Variants in LRRC18 observed in about 807,000 individuals in gnomAD.
The protein encoded by LRRC18 is leucine rich repeat containing 18, also known as leucine-rich repeat-containing protein 18.
In LRRC18, 12 loss-of-function variants were observed where a neutral mutation model predicts 11.2. The observed-to-expected ratio is 1.07, with a 90% CI of 0.69 to 1.74. The LOEUF (loss-of-function observed/expected upper bound fraction) is 1.74, where lower values mean the gene tolerates loss of function less well. Among genes scored for constraint, LRRC18 ranks in the 40% most tolerant of loss-of-function variants. LRRC18 has a pLI of 0.00. For missense variants in LRRC18, 374 were observed against 330.5 expected (o/e 1.13, Z -1.02); for synonymous variants, 155 against 130.6 (o/e 1.19, Z -1.27).
chr10:48,934,674 C>A, the LRRC18 span, among the ~76,000 whole-genome samples: 1 of 152,216 alleles, frequency 6.6e-6, no homozygotes, highest in Non-Finnish European at 1.5e-5. Context: ...CTCTCCCAAC[C>A]CCATTACAGT....
At chr10:48,913,830 G>A (rs1240991138) in exon 1 of LRRC18, 1 of 1,614,098 alleles carries the variant, frequency 6.2e-7, no homozygotes, top group Non-Finnish European at 8.5e-7. Flanking sequence ...CCCGTTGCTG[G>A]TCAGCCGGTT....
At chr10:48,917,519 C>T (rs1284711785), upstream of LRRC18, among the ~76,000 whole-genome samples, 1 of 152,172 alleles carries the variant, frequency 6.6e-6, no homozygotes, top group Admixed American at 6.5e-5. Context: ...GTATCACCCA[C>T]AGGGGAACAG....
exon 1 of LRRC18, chr10:48,913,442 G>T: frequency 6.2e-7 from 1 of 1,613,340 alleles, no homozygotes. Flanking sequence ...AGATCAGATT[G>T]GGAAAGATGG....
chr10:48,927,215 G>A, the LRRC18 span, among the ~76,000 whole-genome samples: 2 of 152,084 alleles, frequency 1.3e-5, no homozygotes, highest in Non-Finnish European at 2.9e-5. Context: ...GTCAAATGAT[G>A]CCTCCCCCGA....
At chr10:48,918,173 G>A (rs1011486430), upstream of LRRC18, among the ~76,000 whole-genome samples, 6 of 152,042 alleles carry the variant, frequency 3.9e-5, no homozygotes, top group African/African-American at 1.2e-4. Context: ...CAGGAAAAGG[G>A]AACAGAAGGA....
At chr10:48,932,421 C>T in the LRRC18 span, 26 of 152,286 alleles carry the variant, frequency 1.7e-4, no homozygotes, top group African/African-American at 6.3e-4. Flanking sequence ...ACTAACATTA[C>T]TAGTGATTGC....
At chr10:48,929,148 G>T in the LRRC18 span, among the ~76,000 whole-genome samples, 1 of 152,098 alleles carries the variant, frequency 6.6e-6, no homozygotes, top group Non-Finnish European at 1.5e-5. Flanking sequence ...AGGATTCAGG[G>T]AGAGAATTTC....
chr10:48,910,217 A>G (rs1200079700), exon 2 of LRRC18: 1 of 1,603,728 alleles, frequency 6.2e-7, no homozygotes, highest in Non-Finnish European at 8.5e-7. Context: ...AGTAGTCTTC[A>G]AGATTTTGCC....
chr10:48,923,247 G>A, the LRRC18 span, among the ~76,000 whole-genome samples: 1 of 152,066 alleles, frequency 6.6e-6, no homozygotes, highest in African/African-American at 2.4e-5. Flanking sequence ...TCTCCCTGGT[G>A]TATGCACTGG....
At chr10:48,925,819 C>G in the LRRC18 span, among the ~76,000 whole-genome samples, 1 of 152,174 alleles carries the variant, frequency 6.6e-6, no homozygotes, top group Non-Finnish European at 1.5e-5. Flanking sequence ...TCAAGAGCTC[C>G]TCTCTATCAT....
the LRRC18 span, among the ~76,000 whole-genome samples, chr10:48,936,924 GT>G: frequency 7.4e-6 from 1 of 135,842 alleles, no homozygotes; most frequent in Non-Finnish European, 1.7e-5. Flanking sequence ...TAAACTTCAG[GT>G]TTTGTTTTTT....
At chr10:48,924,644 A>T in the LRRC18 span, among the ~76,000 whole-genome samples, 1 of 152,208 alleles carries the variant, frequency 6.6e-6, no homozygotes, top group African/African-American at 2.4e-5. Context: ...CTTTGGAAAA[A>T]GTGGCCCAGT....
rs151233623 is a variant in LRRC18 at position 48,911,124 on chromosome 10, T to C, written c.765-866A>G. 1.8e-3 allele frequency among the ~76,000 whole-genome samples: 272 copies of C among 152,334 alleles called. 1 individual carries two copies. Among genetic ancestry groups the C allele is most frequent in the South Asian group, 1.9e-3 (9 of 4,828 alleles). Reference sequence around the variant, plus strand: ...GCAGATTGGCTCCCTTATGGATATGTCCAAGACCTGGCAGGCTAGCGGTGG... The same window carrying C: ...GCAGATTGGCTCCCTTATGGATATGCCCAAGACCTGGCAGGCTAGCGGTGG... On this transcript the variant is annotated intron_variant, in intron 1 of 1. Transcript: ENST00000374160.
At chr10:48,927,808 A>G in the LRRC18 span, among the ~76,000 whole-genome samples, 16 of 152,234 alleles carry the variant, frequency 1.1e-4, no homozygotes, top group Non-Finnish European at 1.6e-4. Context: ...TATTGGTTTA[A>G]TAGCATCTAT....
the LRRC18 span, among the ~76,000 whole-genome samples, chr10:48,936,950 A>T: frequency 1.3e-5 from 2 of 150,338 alleles, no homozygotes; most frequent in African/African-American, 4.9e-5. Flanking sequence ...ACATAGTCTC[A>T]CTCTTGTCAC....
chr10:48,928,117 C>A, the LRRC18 span, among the ~76,000 whole-genome samples: 8 of 152,156 alleles, frequency 5.3e-5, no homozygotes, highest in Non-Finnish European at 8.8e-5. Flanking sequence ...CCTCACAGCT[C>A]CTCTCCTCCC....
the LRRC18 span, among the ~76,000 whole-genome samples, chr10:48,925,386 A>C: frequency 1.3e-5 from 2 of 152,042 alleles, no homozygotes; most frequent in Admixed American, 1.3e-4. Flanking sequence ...TGTGTTGGGA[A>C]CCTCTGGGCA....
At chr10:48,913,158 T>C (rs1203353832) in intron 1 of LRRC18, among the ~76,000 whole-genome samples, 1 of 152,210 alleles carries the variant, frequency 6.6e-6, no homozygotes, top group Non-Finnish European at 1.5e-5. Flanking sequence ...TCACTGTGCC[T>C]GTACTTGTGA....
At chr10:48,913,753 T>C (rs781474680) in exon 1 of LRRC18, 3 of 1,613,934 alleles carry the variant, frequency 1.9e-6, no homozygotes, top group Admixed American at 3.3e-5. Context: ...GTGGGCACGC[T>C]GTCCAGGTGG....
Sources: allele counts gnomAD v4.1 joint callset (sites outside exome capture counted in the v4.1 genomes callset), GRCh38; gene constraint gnomAD v4.1.1; transcripts MANE v1.5; gene names NCBI Gene and HGNC (gene_info 2026-07-23, HGNC 2026-07-21).